The following PROX2 variants were observed in gnomAD, a reference collection of about 807,000 sequenced individuals.
PROX2 encodes prospero homeobox protein 2.
In PROX2, 46 loss-of-function variants were observed where a neutral mutation model predicts 48.9. The observed-to-expected ratio is 0.94, with a 90% CI of 0.74 to 1.20. PROX2 has a LOEUF of 1.20. Ranked by LOEUF, PROX2 falls within the 50% of genes most tolerant of loss-of-function variation. The probability of loss-of-function intolerance (pLI) is 0.00; values close to 1 mark genes in which losing one functional copy is unlikely to be tolerated. For missense variants in PROX2, 663 were observed against 719.4 expected (o/e 0.92, Z 0.90); for synonymous variants, 260 against 276.6 (o/e 0.94, Z 0.60).
At chr14:74,858,843 TGTGTG>T (rs1167470283) in intron 3 of PROX2, 14 of 25,366 alleles carry the variant, frequency 5.5e-4, no homozygotes, top group South Asian at 5.3e-3. Flanking sequence ...GTTGGTGTAT[TGTGTG>T]TGTGTGTGTG....
At position 74,854,991 on chromosome 14, in the gene PROX2, A is replaced by G; in HGVS notation, c.*141T>C. 2.1e-6 allele frequency: 1 copy of G among 473,024 alleles called. No homozygotes were observed. Among genetic ancestry groups the G allele is most frequent in the South Asian group, 7.3e-5 (1 of 13,678 alleles). The allele number at this position is 473,024 out of a possible 1,614,324, so 29.3% of individuals were successfully genotyped here. A position where few individuals can be genotyped will look rare whatever the true frequency, so the allele number is the denominator to read the frequency against. ...TTCTGGAAAGGGAAATAAATGATCAAAATGGTAATAGTACCTGTTTTGATA... is the reference window on the plus strand; with the variant it reads ...TTCTGGAAAGGGAAATAAATGATCAGAATGGTAATAGTACCTGTTTTGATA... On this transcript the variant is annotated 3_prime_UTR_variant, in exon 6 of 6. Transcript: ENST00000556489.
In PROX2 at chr14:74,863,506, G is replaced by A. The variant is rs763779614; in HGVS notation, c.329C>T (p.Thr110Ile). 2 of 1,613,526 alleles carry A rather than the reference G, an allele frequency of 1.2e-6. No individual in the cohort carries two copies. The highest frequency in any genetic ancestry group is 8.5e-7 in the Non-Finnish European group (1 of 1,179,712). Residue 110 changes from threonine (T) to isoleucine (I), a missense_variant, in exon 3 of 6, where the codon ACA (threonine) becomes ATA (isoleucine). Physicochemically the swap from Thr to Ile is moderately conservative, Grantham distance 89. Transcript: ENST00000556489. ...RERKRKQNLP[T>I]PQGLLMPAPA... ...GGCTGGCATCAGGAGGCCTTGCGGT[G>A]TGGGAAGGTTCTGCTTCCTCTTCCT... is the stretch of plus-strand genomic sequence containing the variant.
In PROX2 at chr14:74,855,164, C is replaced by G. The variant is rs774931223; in HGVS notation, c.1747G>C (p.Glu583Gln). Residue 583 changes from glutamate to glutamine, a missense_variant, in exon 6 of 6, where the codon GAG becomes CAG. Coordinates refer to ENST00000556489, the MANE Select transcript of PROX2 (RefSeq NM_001243007.2). ...GGATAGCTGGAAGATTTGAATATCT[C>G]TGGGATGTCACTGTCCAGTTTCGAA... ...IISKLDSDIPEIFKSSSYPQ is the reference protein window; with the variant it reads ...IISKLDSDIPQIFKSSSYPQ The G allele has an allele frequency of 1.7e-5, 27 of 1,583,432 alleles. No individual in the cohort carries two copies. In the South Asian group the frequency reaches 2.7e-4, roughly 16 times the overall value.
intron 3 of PROX2, 80 bp from the exon 4 acceptor site, chr14:74,858,594 T>C (rs2091766287): frequency 1.3e-6 from 1 of 760,526 alleles, no homozygotes. Context: ...TCCTGTGGTT[T>C]CTATTTGATT....
chr14:74,854,987 A>G lies in PROX2; in HGVS notation c.*145T>C, dbSNP rs1432442448. The G allele has an allele frequency of 1.1e-5, 5 of 466,324 alleles. No homozygotes were observed. The highest frequency in any genetic ancestry group is 1.5e-5 in the Non-Finnish European group (4 of 267,106). 28.9% of individuals were successfully genotyped at this position (466,324 alleles called of 1,614,324 possible). A position where few individuals can be genotyped will look rare whatever the true frequency, so the allele number is the denominator to read the frequency against. On this transcript the variant is annotated 3_prime_UTR_variant, in exon 6 of 6. Coordinates refer to ENST00000556489, the MANE Select transcript of PROX2 (RefSeq NM_001243007.2). ...ATGATTCTGGAAAGGGAAATAAATGATCAAAATGGTAATAGTACCTGTTTT... is the reference window on the plus strand; with the variant it reads ...ATGATTCTGGAAAGGGAAATAAATGGTCAAAATGGTAATAGTACCTGTTTT...
chr14:74,867,987 T>C (rs1406491103), intron 2 of PROX2, among the ~76,000 whole-genome samples: 9 of 152,218 alleles, frequency 5.9e-5, no homozygotes. Context: ...ACCTCTGTGC[T>C]GAGGCCGGCG....
At chr14:74,875,155 A>T (rs1883309791) in intron 1 of PROX2, among the ~76,000 whole-genome samples, 1 of 152,220 alleles carries the variant, frequency 6.6e-6, no homozygotes, top group African/African-American at 2.4e-5. Flanking sequence ...AAAAAAAAAT[A>T]AAAAATAAAT....
intron 1 of PROX2, among the ~76,000 whole-genome samples, chr14:74,874,520 G>A (rs1883293222): frequency 6.6e-6 from 1 of 151,816 alleles, no homozygotes. Flanking sequence ...CAAAGTGCTG[G>A]GATTACAGGC....
Position 74,856,789 on chromosome 14 carries a change from A to T in PROX2, c.1608+12T>A. On this transcript the variant is annotated intron_variant, in intron 5 of 5. Transcript: ENST00000556489. ...TCATCAGATCTCATGGGAACCCAGTACATGGTCTTACCTCAAAGTCATTTC... is the reference window on the plus strand; with the variant it reads ...TCATCAGATCTCATGGGAACCCAGTTCATGGTCTTACCTCAAAGTCATTTC... The T allele has an allele frequency of 6.2e-7, 1 of 1,609,950 alleles. No homozygotes were observed. The highest frequency in any genetic ancestry group is 1.3e-5 in the African/African-American group (1 of 74,998).
chr14:74,875,399 A>C lies in PROX2; in HGVS notation c.-310+496T>G, dbSNP rs151198016. 2.5e-3 allele frequency among the ~76,000 whole-genome samples: 379 copies of C among 152,304 alleles called. 2 individuals are homozygous for C. Among genetic ancestry groups the C allele is most frequent in the South Asian group, 0.021 (103 of 4,814 alleles). On this transcript the variant is annotated intron_variant, in intron 1 of 5. Coordinates refer to ENST00000556489, the MANE Select transcript of PROX2 (RefSeq NM_001243007.2). ...GGTAAGGTGACATGCCCAAGGTCAC[A>C]CAGCAGCTGCAATGCCTCCTTGCTC...
chr14:74,869,789 T>C (rs1239558336), intron 2 of PROX2, among the ~76,000 whole-genome samples: 1 of 152,232 alleles, frequency 6.6e-6, no homozygotes, highest in Non-Finnish European at 1.5e-5. Context: ...TCATTATGTG[T>C]ATTTCTTTGA....
At chr14:74,872,449 C>T (rs1306002162) in intron 1 of PROX2, among the ~76,000 whole-genome samples, 2 of 152,166 alleles carry the variant, frequency 1.3e-5, no homozygotes, top group African/African-American at 4.8e-5. Context: ...GCTGCTTTTA[C>T]CTTCATCAAC....
At chr14:74,864,581 C>A (rs1258219463) in intron 2 of PROX2, among the ~76,000 whole-genome samples, 2 of 152,228 alleles carry the variant, frequency 1.3e-5, no homozygotes, top group Non-Finnish European at 2.9e-5. Flanking sequence ...GTGGCTCACG[C>A]CTGTAATCCC....
At chr14:74,864,104 G>A (rs1017746663) in intron 2 of PROX2, 96 bp from the exon 3 acceptor site, 1 of 262,566 alleles carries the variant, frequency 3.8e-6, no homozygotes, top group Admixed American at 5.2e-5. Flanking sequence ...TCGTTAAAGT[G>A]TAGATTTCAA....
intron 2 of PROX2, among the ~76,000 whole-genome samples, chr14:74,868,316 TATATATATA>T (rs1883119210): frequency 1.0e-4 from 1 of 9,864 alleles, no homozygotes; most frequent in Non-Finnish European, 1.8e-4. Context: ...CTCGTAATTA[TATATATATA>T]TATATATATA....
chr14:74,873,597 G>A (rs1883268777), intron 1 of PROX2: 1 of 243,498 alleles, frequency 4.1e-6, no homozygotes, highest in South Asian at 5.3e-5. Flanking sequence ...AAAATGAAGA[G>A]GTCTTCTGGC....
At chr14:74,861,689 G>A (rs753245289) in intron 3 of PROX2, among the ~76,000 whole-genome samples, 1 of 152,174 alleles carries the variant, frequency 6.6e-6, no homozygotes, top group Non-Finnish European at 1.5e-5. Flanking sequence ...CACCTTGGAA[G>A]TTGTTCCTTA....
At chr14:74,875,774 AGGGGTGGGTAT>A (rs1393186567) in intron 1 of PROX2, among the ~76,000 whole-genome samples, 110 bp downstream of exon 1, 4 of 152,240 alleles carry the variant, frequency 2.6e-5, no homozygotes, top group African/African-American at 7.2e-5. Flanking sequence ...TGATGAGTAT[AGGGGTGGGTAT>A]TGCTATGCTA....
At chr14:74,859,685 G>A (rs750796709) in intron 3 of PROX2, among the ~76,000 whole-genome samples, 6 of 152,222 alleles carry the variant, frequency 3.9e-5, no homozygotes, top group Non-Finnish European at 8.8e-5. Context: ...TCTCAGATCC[G>A]AGAGCTGTAG....
Sources: allele counts gnomAD v4.1 joint callset (sites outside exome capture counted in the v4.1 genomes callset), GRCh38; gene constraint gnomAD v4.1.1; transcripts MANE v1.5; gene names NCBI Gene and HGNC (gene_info 2026-07-23, HGNC 2026-07-21).